The following PRKCI variants were observed in gnomAD, a reference collection of about 807,000 sequenced individuals.
PRKCI encodes protein kinase C iota type.
PRKCI carries 43 observed loss-of-function variants against 84.0 expected under a neutral mutation model. That is an observed-to-expected ratio of 0.51 (90% CI 0.40 to 0.66). The LOEUF is 0.66. PRKCI is among the 30% of genes least tolerant of loss of function. The probability of loss-of-function intolerance (pLI) is 0.00; values close to 1 mark genes in which losing one functional copy is unlikely to be tolerated. For synonymous variants in PRKCI, 216 were observed against 234.4 expected (o/e 0.92, Z 0.72); for missense variants, 459 against 745.6 (o/e 0.62, Z 4.48).
At chr3:170,241,677 C>CAGAG (rs138894233) in intron 2 of PRKCI, among the ~76,000 whole-genome samples, 2 of 149,634 alleles carry the variant, frequency 1.3e-5, no homozygotes, top group African/African-American at 5.0e-5. Flanking sequence ...GAGACAGAGA[C>CAGAG]AGAGAGAGAG....
intron 8 of PRKCI, among the ~76,000 whole-genome samples, chr3:170,276,000 T>C (rs9871397): frequency 0.08 from 11,980 of 150,450 alleles, 1,158 homozygotes; most frequent in African/African-American, 0.23. Context: ...GTGGTGTGAT[T>C]ATGGCTCACT....
intron 1 of PRKCI, among the ~76,000 whole-genome samples, chr3:170,234,144 G>T (rs940608776): frequency 1.4e-5 from 2 of 143,168 alleles, no homozygotes; most frequent in Non-Finnish European, 3.0e-5. Flanking sequence ...CGATTCTTCT[G>T]CCCCAGCCTC....
chr3:170,297,232 C>T lies in PRKCI; in HGVS notation c.1498-72C>T. ...AAGAGTATCATGTGAGGGCACACAA[C>T]ACAGATCACAAAGATGATTTATTTT... is the stretch of plus-strand genomic sequence containing the variant. On this transcript the variant is annotated intron_variant, in intron 15 of 17. Transcript: ENST00000295797. 5 of 1,264,910 alleles carry T rather than the reference C, an allele frequency of 4.0e-6. 1 individual carries two copies. The Admixed American group carries it at 8.8e-5, about 22-fold the overall frequency. The allele number at this position is 1,264,910 out of a possible 1,614,324, so 78.4% of individuals were successfully genotyped here. A position where few individuals can be genotyped will look rare whatever the true frequency, so the allele number is the denominator to read the frequency against.
chr3:170,301,920 T>C (rs1734829972), intron 17 of PRKCI, among the ~76,000 whole-genome samples: 1 of 152,180 alleles, frequency 6.6e-6, no homozygotes, highest in Non-Finnish European at 1.5e-5. Flanking sequence ...TGCTCCAGCC[T>C]GACTTTCTAG....
In PRKCI at chr3:170,293,563, A is replaced by G. The variant is rs941279893; in HGVS notation, c.1417+55A>G. ...TGAGAAAAACCTATTCTAGAGTACA[A>G]ATGAGAGTGATTCAGGTTACTACTT... On this transcript the variant is annotated intron_variant, in intron 14 of 17. Transcript: ENST00000295797. 20 of 1,553,726 alleles carry G rather than the reference A, an allele frequency of 1.3e-5. No homozygotes were observed. In the East Asian group the frequency reaches 3.6e-4, roughly 28 times the overall value.
chr3:170,229,312 AGTT>A (rs3838823), intron 1 of PRKCI, among the ~76,000 whole-genome samples: 7 of 152,024 alleles, frequency 4.6e-5, no homozygotes, highest in Admixed American at 1.3e-4. Context: ...AGTGTTCTAC[AGTT>A]GTTGTTGTTG....
intron 10 of PRKCI, 94 bp downstream of exon 10, chr3:170,281,357 T>TG: frequency 1.0e-6 from 1 of 958,856 alleles, no homozygotes; most frequent in East Asian, 2.5e-5. Flanking sequence ...ATGAAGTTGA[T>TG]ATCATGGAGG....
intron 2 of PRKCI, among the ~76,000 whole-genome samples, chr3:170,236,966 G>A (rs1732995378): frequency 7.5e-6 from 1 of 134,222 alleles, no homozygotes; most frequent in African/African-American, 2.5e-5. Flanking sequence ...ATAGGGAGAT[G>A]GACACATGTG....
chr3:170,290,513 T>C (rs951315693), intron 12 of PRKCI, among the ~76,000 whole-genome samples: 1 of 151,808 alleles, frequency 6.6e-6, no homozygotes, highest in Non-Finnish European at 1.5e-5. Flanking sequence ...ACATATATTC[T>C]ACATGTATAT....
intron 2 of PRKCI, among the ~76,000 whole-genome samples, chr3:170,243,084 T>A (rs1733177608): frequency 6.6e-6 from 1 of 152,058 alleles, no homozygotes; most frequent in Admixed American, 6.6e-5. Context: ...ATACATAATA[T>A]ATATAATAAG....
At chr3:170,279,534 C>T (rs1007960104) in intron 8 of PRKCI, among the ~76,000 whole-genome samples, 2 of 152,172 alleles carry the variant, frequency 1.3e-5, no homozygotes, top group Non-Finnish European at 2.9e-5. Context: ...TAATAAAAGA[C>T]TGTCTTCAGG....
At chr3:170,255,655 C>T (rs562256936) in intron 2 of PRKCI, among the ~76,000 whole-genome samples, 1 of 152,198 alleles carries the variant, frequency 6.6e-6, no homozygotes, top group African/African-American at 2.4e-5. Flanking sequence ...ATTTCTTTCT[C>T]TTGTCTCATT....
At chr3:170,263,037 C>T (rs2650225) in intron 3 of PRKCI, among the ~76,000 whole-genome samples, 9 of 151,338 alleles carry the variant, frequency 5.9e-5, no homozygotes, top group East Asian at 1.9e-4. Flanking sequence ...GGCATGGTGG[C>T]GCGTGCCTGT....
At chr3:170,233,354 AT>A (rs1410344862) in intron 1 of PRKCI, among the ~76,000 whole-genome samples, 1 of 152,094 alleles carries the variant, frequency 6.6e-6, no homozygotes, top group Non-Finnish European at 1.5e-5. Context: ...GCTTAAAAAA[AT>A]TCAGCTAAAA....
At chr3:170,244,584 G>A (rs993513452) in intron 2 of PRKCI, among the ~76,000 whole-genome samples, 6 of 152,106 alleles carry the variant, frequency 3.9e-5, no homozygotes, top group African/African-American at 1.4e-4. Flanking sequence ...ATGAGGAGGG[G>A]GTTGTGGGTG....
Position 170,303,414 on chromosome 3 carries a change from A to G in PRKCI, c.*287A>G. 3.7e-6 allele frequency: 1 copy of G among 268,272 alleles called. No homozygotes were observed. The highest frequency in any genetic ancestry group is 7.0e-6 in the Non-Finnish European group (1 of 143,074). 16.6% of individuals were successfully genotyped at this position (268,272 alleles called of 1,614,324 possible). A position where few individuals can be genotyped will look rare whatever the true frequency, so the allele number is the denominator to read the frequency against. ...GAAGTTATCTTTTTTGTTTAAAAAA[A>G]AAAAAAACACTGCATTAAAAAAGTA... On this transcript the variant is annotated 3_prime_UTR_variant, in exon 18 of 18. Transcript: ENST00000295797.
intron 2 of PRKCI, among the ~76,000 whole-genome samples, chr3:170,248,383 A>AGG (rs1560170814): frequency 6.1e-4 from 45 of 74,018 alleles, no homozygotes; most frequent in Middle Eastern, 6.1e-3. Context: ...GGGGGGGGAA[A>AGG]AAACCTGCTG....
chr3:170,235,154 T>C, intron 1 of PRKCI, 76 bp from the exon 2 acceptor site: 2 of 1,431,424 alleles, frequency 1.4e-6, no homozygotes, highest in South Asian at 2.4e-5. Flanking sequence ...TTCATCAAAT[T>C]GTCAAGCATT....
intron 14 of PRKCI, among the ~76,000 whole-genome samples, chr3:170,294,456 C>T (rs1380815444): frequency 6.6e-6 from 1 of 152,170 alleles, no homozygotes. Flanking sequence ...AGGGAATGCA[C>T]ATTAAATGTT....
Sources: allele counts gnomAD v4.1 joint callset (sites outside exome capture counted in the v4.1 genomes callset), GRCh38; gene constraint gnomAD v4.1.1; transcripts MANE v1.5; gene names NCBI Gene and HGNC (gene_info 2026-07-23, HGNC 2026-07-21).